Variants in ADAMTS17 observed in about 807,000 individuals in gnomAD.
The protein encoded by ADAMTS17 is ADAM metallopeptidase with thrombospondin type 1 motif 17.
ADAMTS17 carries 113 observed loss-of-function variants against 141.5 expected under a neutral mutation model. That is an observed-to-expected ratio of 0.80 (90% CI 0.69 to 0.93). The LOEUF (loss-of-function observed/expected upper bound fraction) is 0.93, where lower values mean the gene tolerates loss of function less well. ADAMTS17 is among the 40% of genes least tolerant of loss of function. The pLI is 0.00. For missense variants in ADAMTS17, 1,659 were observed against 1,517.9 expected (o/e 1.09, Z -1.54); for synonymous variants, 768 against 630.6 (o/e 1.22, Z -3.27).
intron 15 of ADAMTS17, among the ~76,000 whole-genome samples, chr15:100,067,531 T>C (rs1449567400): frequency 6.6e-6 from 1 of 152,192 alleles, no homozygotes; most frequent in Admixed American, 6.5e-5. Context: ...TGTCAACCTT[T>C]CTTGGGACAC....
chr15:100,109,199 A>G (rs2036591772), intron 13 of ADAMTS17, 83 bp from the exon 14 acceptor site: 1 of 1,544,322 alleles, frequency 6.5e-7, no homozygotes, highest in Non-Finnish European at 8.8e-7. Context: ...GGGCAGAGGG[A>G]AACCCTGAGG....
intron 15 of ADAMTS17, among the ~76,000 whole-genome samples, chr15:100,068,849 C>G (rs1440523503): frequency 6.6e-6 from 1 of 152,222 alleles, no homozygotes; most frequent in Non-Finnish European, 1.5e-5. Flanking sequence ...AGCACCTCTC[C>G]TCCTCCAAAG....
chr15:99,974,077 G>A lies in ADAMTS17; in HGVS notation c.*325C>T, dbSNP rs1046486923. Reference sequence around the variant, plus strand: ...CTGGAAATTCAAATGTCAAAAGCGAGTCAAGACAAGAACACTAAATGATGT... The same window carrying A: ...CTGGAAATTCAAATGTCAAAAGCGAATCAAGACAAGAACACTAAATGATGT... On this transcript the variant is annotated 3_prime_UTR_variant, in exon 22 of 22. Transcript: ENST00000268070. 1 of 417,830 alleles carries A rather than the reference G, an allele frequency of 2.4e-6. No homozygotes were observed. 25.9% of individuals were successfully genotyped at this position (417,830 alleles called of 1,614,324 possible).
intron 6 of ADAMTS17, among the ~76,000 whole-genome samples, chr15:100,259,457 G>A (rs2043440690): frequency 6.6e-6 from 1 of 152,246 alleles, no homozygotes. Context: ...ACTGCTCTTG[G>A]GGAGGGCGGT....
chr15:100,232,815 G>A (rs777171925), intron 7 of ADAMTS17, among the ~76,000 whole-genome samples: 14 of 152,230 alleles, frequency 9.2e-5, no homozygotes, highest in South Asian at 8.3e-4. Flanking sequence ...TGGAATTTGC[G>A]TCTTCAGGTC....
chr15:100,167,107 G>C (rs532636375), intron 8 of ADAMTS17, among the ~76,000 whole-genome samples: 1 of 152,338 alleles, frequency 6.6e-6, no homozygotes, highest in African/African-American at 2.4e-5. Flanking sequence ...TTTTAATTAA[G>C]AGAAATTTAA....
chr15:100,332,360 G>C (rs8025271), intron 2 of ADAMTS17, among the ~76,000 whole-genome samples: 52,557 of 152,110 alleles, frequency 0.35, 9,522 homozygotes, highest in East Asian at 0.65. Flanking sequence ...CCTCGGTGCA[G>C]AACACCCGAA....
chr15:100,234,012 C>T (rs1052354348), intron 7 of ADAMTS17, among the ~76,000 whole-genome samples: 6 of 152,104 alleles, frequency 3.9e-5, no homozygotes, highest in African/African-American at 1.4e-4. Flanking sequence ...TGGTTTGGGG[C>T]TTAAAAGTAA....
chr15:100,152,585 C>G, intron 10 of ADAMTS17, 27 bp downstream of exon 10: 1 of 1,611,864 alleles, frequency 6.2e-7, no homozygotes, highest in African/African-American at 1.3e-5. Context: ...TGCTCTGTCC[C>G]GAGCCAGCCC....
chr15:100,099,924 T>A (rs1309544393), intron 14 of ADAMTS17, among the ~76,000 whole-genome samples: 1 of 152,124 alleles, frequency 6.6e-6, no homozygotes, highest in East Asian at 1.9e-4. Context: ...GCTGTCTGAG[T>A]CCTGGATTCC....
chr15:100,219,044 G>A (rs780644564), intron 7 of ADAMTS17, among the ~76,000 whole-genome samples: 3 of 152,198 alleles, frequency 2.0e-5, no homozygotes, highest in Non-Finnish European at 4.4e-5. Context: ...ACAGGTTAAA[G>A]CGTAGATGAC....
chr15:100,240,444 C>T (rs1405817355), intron 7 of ADAMTS17, among the ~76,000 whole-genome samples: 2 of 152,196 alleles, frequency 1.3e-5, no homozygotes, highest in African/African-American at 2.4e-5. Flanking sequence ...GAAGCAGGTA[C>T]AAGAAAGCTT....
At chr15:100,306,730 G>C (rs1201957271) in intron 3 of ADAMTS17, among the ~76,000 whole-genome samples, 1 of 150,568 alleles carries the variant, frequency 6.6e-6, no homozygotes, top group Admixed American at 6.6e-5. Flanking sequence ...TAACTTGTTC[G>C]TTTCTCCCAT....
Position 100,262,369 on chromosome 15 carries a change from G to A in ADAMTS17, c.856C>T (p.Leu286=). 1 of 1,613,918 alleles carries A rather than the reference G, an allele frequency of 6.2e-7. No homozygotes were observed. The highest frequency in any genetic ancestry group is 8.5e-7 in the Non-Finnish European group (1 of 1,179,930). Residue 286 remains leucine, a synonymous_variant, in exon 5 of 22, where the codon CTG becomes TTG. Coordinates refer to ENST00000268070, the MANE Select transcript of ADAMTS17 (RefSeq NM_139057.4). ...KINIQVTKLV[L]LRQRPAKLSI... Reference sequence around the variant, plus strand: ...GGACTTACGGGACGTTGTCGTAGCAGGACAAGCTTGGTCACTTGAATGTTA... The same window carrying A: ...GGACTTACGGGACGTTGTCGTAGCAAGACAAGCTTGGTCACTTGAATGTTA...
intron 18 of ADAMTS17, among the ~76,000 whole-genome samples, chr15:100,021,248 C>A (rs534443168): frequency 6.6e-6 from 1 of 152,288 alleles, no homozygotes; most frequent in East Asian, 1.9e-4. Flanking sequence ...ACAGACCACT[C>A]TGCTAGTCCC....
intron 10 of ADAMTS17, 33 bp downstream of exon 10, chr15:100,152,579 C>T (rs1157850985): frequency 6.2e-7 from 1 of 1,610,712 alleles, no homozygotes; most frequent in Non-Finnish European, 8.5e-7. Flanking sequence ...GATCCATGCT[C>T]TGTCCCGAGC....
intron 20 of ADAMTS17, among the ~76,000 whole-genome samples, chr15:99,982,995 CTTTT>C (rs1251845673): frequency 1.3e-5 from 2 of 152,162 alleles, no homozygotes; most frequent in South Asian, 2.1e-4. Context: ...TACTCATGTG[CTTTT>C]TTTGTGTGCA....
chr15:100,059,299 G>A (rs963714627), intron 15 of ADAMTS17, among the ~76,000 whole-genome samples: 2 of 152,274 alleles, frequency 1.3e-5, no homozygotes, highest in African/African-American at 2.4e-5. Flanking sequence ...CGCAGTGGCT[G>A]CAAGTTCTGG....
At chr15:99,992,664 G>C (rs2060713480) in intron 20 of ADAMTS17, among the ~76,000 whole-genome samples, 2 of 152,146 alleles carry the variant, frequency 1.3e-5, no homozygotes, top group African/African-American at 4.8e-5. Context: ...AGGGGTCCCG[G>C]GAGTGAATGG....
Sources: gnomAD v4.1 joint callset for allele counts (sites outside exome capture counted in the v4.1 genomes callset) on GRCh38, gnomAD v4.1.1 for gene constraint, MANE v1.5 for transcripts, NCBI Gene and HGNC (gene_info 2026-07-23, HGNC 2026-07-21) for gene names.